Variants in DCAF11 observed in about 807,000 individuals in gnomAD.
The protein encoded by DCAF11 is DDB1- and CUL4-associated factor 11.
A neutral mutation model predicts 76.1 loss-of-function variants in DCAF11; 44 were observed. That is an observed-to-expected ratio of 0.58 (90% CI 0.45 to 0.74). The LOEUF (loss-of-function observed/expected upper bound fraction) is 0.74, where lower values mean the gene tolerates loss of function less well. Ranked by LOEUF, DCAF11 falls within the 30% of genes least tolerant of loss-of-function variation. The pLI, the probability that DCAF11 is intolerant of heterozygous loss-of-function variation, is 0.00. For synonymous variants in DCAF11, 258 were observed against 255.0 expected, an observed-to-expected ratio of 1.01 and a Z score of -0.11; for missense variants, 604 against 709.4, an observed-to-expected ratio of 0.85 and a Z score of 1.69.
At position 24,118,546 on chromosome 14, in the gene DCAF11, C is replaced by T; in HGVS notation, c.724+12C>T. On this transcript the variant is annotated intron_variant, in intron 7 of 14. Coordinates refer to ENST00000446197, the MANE Select transcript of DCAF11 (RefSeq NM_025230.5). ...CTGGTCTGATTACAGTGAGTATGCA[C>T]CAGGCTTCCACTGACTCTCCAGCCT... 2 of 1,611,824 alleles carry T rather than the reference C, an allele frequency of 1.2e-6. No homozygotes were observed. Among genetic ancestry groups the T allele is most frequent in the Non-Finnish European group, 1.7e-6 (2 of 1,178,108 alleles).
intron 14 of DCAF11, 32 bp from the exon 15 acceptor site, chr14:24,123,143 A>C: frequency 5.0e-6 from 8 of 1,614,044 alleles, no homozygotes; most frequent in Non-Finnish European, 6.8e-6. Flanking sequence ...GGGGCAGCAC[A>C]TCCTGACTGC....
At chr14:24,120,258 C>CA (rs1218249379) in intron 11 of DCAF11, among the ~76,000 whole-genome samples, 72 of 144,456 alleles carry the variant, frequency 5.0e-4, no homozygotes, top group Non-Finnish European at 7.3e-4. Context: ...AAAAAAAAAA[C>CA]AAAAAAAAAA....
rs2139027255 is a variant in DCAF11 at position 24,124,664 on chromosome 14, G to A, written c.*1355G>A. ...CTCATGCCTGTAATCCTAGCACTTT[G>A]GGAAGCCAAAGCTGATGGATCGCTT... On this transcript the variant is annotated 3_prime_UTR_variant, in exon 15 of 15. Coordinates refer to ENST00000446197, the MANE Select transcript of DCAF11 (RefSeq NM_025230.5). The A allele has an allele frequency of 6.6e-6, 1 of 152,350 alleles. No individual in the cohort carries two copies. The highest frequency in any genetic ancestry group is 1.9e-4 in the East Asian group (1 of 5,184). The allele number at this position is 152,350 out of a possible 1,614,324, so 9.4% of individuals were successfully genotyped here. A position where few individuals can be genotyped will look rare whatever the true frequency, so the allele number is the denominator to read the frequency against.
chr14:24,116,254 AG>A (rs1309650066), intron 2 of DCAF11, among the ~76,000 whole-genome samples: 3 of 152,232 alleles, frequency 2.0e-5, no homozygotes, highest in Non-Finnish European at 4.4e-5. Context: ...TGACTGGAAA[AG>A]GGTGCAGCTG....
chr14:24,115,225 A>C lies in DCAF11; in HGVS notation c.-282A>C, dbSNP rs934213691. ...CGAGAGGGATTTCGATTGGTCGGTC[A>C]GAGAGGTTACCTGGAAATCCAACAC... On this transcript the variant is annotated 5_prime_UTR_variant, in exon 1 of 15. Transcript: ENST00000446197. 1 of 197,022 alleles carries C rather than the reference A, an allele frequency of 5.1e-6. No individual in the cohort carries two copies. Among genetic ancestry groups the C allele is most frequent in the Non-Finnish European group, 9.7e-6 (1 of 102,662 alleles). 12.2% of individuals were successfully genotyped at this position (197,022 alleles called of 1,614,324 possible). A position where few individuals can be genotyped will look rare whatever the true frequency, so the allele number is the denominator to read the frequency against.
chr14:24,119,716 G>T lies in DCAF11; in HGVS notation c.912G>T (p.Glu304Asp), dbSNP rs2139018291. 1 of 1,614,244 alleles carries T rather than the reference G, an allele frequency of 6.2e-7. No homozygotes were observed. Among genetic ancestry groups the T allele is most frequent in the East Asian group, 2.2e-5 (1 of 44,886 alleles). ...REQNRRTLQI[E>D]SHEDDVNAVA... ...CTGGCCTCCTTTTCGCCTAGATTGA[G>T]TCCCATGAGGATGATGTGAATGCAG... Residue 304 changes from glutamate to aspartate, a missense_variant, in exon 11 of 15, where the codon GAG becomes GAT. Glu to Asp is a conservative substitution (Grantham distance 45). Transcript: ENST00000446197.
At position 24,119,745 on chromosome 14, in the gene DCAF11, C is replaced by T; in HGVS notation, c.941C>T (p.Ala314Val). 6.2e-7 allele frequency: 1 copy of T among 1,614,212 alleles called. No individual in the cohort carries two copies. The highest frequency in any genetic ancestry group is 8.5e-7 in the Non-Finnish European group (1 of 1,180,042). Residue 314 changes from alanine to valine, a missense_variant, in exon 11 of 15, where the codon GCC (alanine) becomes GTC (valine). Physicochemically the swap from Ala to Val is moderately conservative, Grantham distance 64. Transcript: ENST00000446197. ...ESHEDDVNAV[A>V]FADISSQILF... is the part of the protein sequence containing the mutation. ...CATGAGGATGATGTGAATGCAGTGG[C>T]CTTTGCTGATATAAGCTCCCAAATC...
chr14:24,115,742 C>T lies in DCAF11; in HGVS notation c.148C>T (p.Leu50Phe). 6.2e-7 allele frequency: 1 copy of T among 1,612,342 alleles called. No individual in the cohort carries two copies. Among genetic ancestry groups the T allele is most frequent in the Non-Finnish European group, 8.5e-7 (1 of 1,179,130 alleles). The change falls in exon 2 of 15, where the codon CTC (leucine) becomes TTC (phenylalanine). Residue 50 changes from leucine to phenylalanine, a missense_variant. By Grantham distance (22) the Leu-to-Phe change is conservative. Transcript: ENST00000446197. Reference protein sequence around the residue: ...VDLAQVLAYLLRRGQVRLVQG... With the variant: ...VDLAQVLAYLFRRGQVRLVQG... ...TCTGGCCCAGGTACTGGCCTATCTC[C>T]TCCGCAGGTAACTTACCCTCTGGTG...
rs1329203031 is a variant in DCAF11, at chr14:24,117,294, G to A, written c.312G>A (p.Leu104=). The A allele has an allele frequency of 9.9e-6, 16 of 1,614,058 alleles. No homozygotes were observed. Among genetic ancestry groups the A allele is most frequent in the East Asian group, 6.7e-5 (3 of 44,896 alleles). Residue 104 remains leucine (L), a synonymous_variant, in exon 4 of 15, where the codon CTG becomes CTA. Coordinates refer to ENST00000446197, the MANE Select transcript of DCAF11 (RefSeq NM_025230.5). This position sits in a 1 kb window ranked among gnomAD's most constrained non-coding sequence, Gnocchi z 4.3. The part of the protein sequence containing the change: ...PVDATPDTRE[L]EFNEIKTQVE... ...ATGCTACCCCTGACACCCGGGAGCT[G>A]GAATTCAATGAGATCAAGACACAAG...
At position 24,121,421 on chromosome 14, in the gene DCAF11, G is replaced by A. The variant is rs1390286215; in HGVS notation, c.1303G>A (p.Gly435Arg). ...CTCCTTGATGACCTACCGGGGCCAC[G>A]GAGTGCTGCACACCCTCATCCGCTG... The part of the protein sequence containing the change: ...DSSLMTYRGH[G>R]VLHTLIRCRF... The change falls in exon 13 of 15, where the codon GGA becomes AGA. Residue 435 changes from glycine to arginine, a missense_variant. Physicochemically the swap from Gly to Arg is moderately radical, Grantham distance 125. Coordinates refer to ENST00000446197, the MANE Select transcript of DCAF11 (RefSeq NM_025230.5). 5 of 1,614,166 alleles carry A rather than the reference G, an allele frequency of 3.1e-6. No homozygotes were observed. Among genetic ancestry groups the A allele is most frequent in the Non-Finnish European group, 4.2e-6 (5 of 1,180,036 alleles).
rs988230976 is a variant in DCAF11 at position 24,124,538 on chromosome 14, G to C, written c.*1229G>C. 6.6e-6 allele frequency: 1 copy of C among 152,222 alleles called. No individual in the cohort carries two copies. The highest frequency in any genetic ancestry group is 2.4e-5 in the African/African-American group (1 of 41,452). The allele number at this position is 152,222 out of a possible 1,614,324, so 9.4% of individuals were successfully genotyped here. A position where few individuals can be genotyped will look rare whatever the true frequency, so the allele number is the denominator to read the frequency against. On this transcript the variant is annotated 3_prime_UTR_variant, in exon 15 of 15. Coordinates refer to ENST00000446197, the MANE Select transcript of DCAF11 (RefSeq NM_025230.5). ...CCCTCTAAGGCAGTTTTTAAATGAA[G>C]GTACACACATCCAGGGGTGTTCACA...
Position 24,123,503 on chromosome 14 carries a change from A to C in DCAF11, c.*194A>C. The C allele has an allele frequency of 1.2e-6, 1 of 821,234 alleles. No individual in the cohort carries two copies. The highest frequency in any genetic ancestry group is 1.7e-6 in the Non-Finnish European group (1 of 594,416). 50.9% of individuals were successfully genotyped at this position (821,234 alleles called of 1,614,324 possible). On this transcript the variant is annotated 3_prime_UTR_variant, in exon 15 of 15. Coordinates refer to ENST00000446197, the MANE Select transcript of DCAF11 (RefSeq NM_025230.5). ...CAGAGTGGTCTCCTTACGTGCTCAC[A>C]CCCAGTCAGCTTGGGTCCCTATCTC...
rs2037640726 is a variant in DCAF11 at position 24,119,127 on chromosome 14, G to A, written c.780-18G>A. 1 of 1,614,162 alleles carries A rather than the reference G, an allele frequency of 6.2e-7. No homozygotes were observed. The highest frequency in any genetic ancestry group is 8.5e-7 in the Non-Finnish European group (1 of 1,180,016). On this transcript the variant is annotated intron_variant, in intron 8 of 14. Transcript: ENST00000446197. ...AGCTGAAGGAAGTCCACTTAACCCA[G>A]CTCCTTCTTGCTTTTAGGCCAGATG...
chr14:24,123,166 G>A lies in DCAF11; in HGVS notation c.1507-9G>A. 5 of 1,613,428 alleles carry A rather than the reference G, an allele frequency of 3.1e-6. No homozygotes were observed. The highest frequency in any genetic ancestry group is 1.1e-5 in the South Asian group (1 of 91,034). On this transcript the variant is annotated splice_polypyrimidine_tract_variant and intron_variant, in intron 14 of 14. Transcript: ENST00000446197. ...ACATCCTGACTGCTTGCCACCCTCT[G>A]CCCTGCAGTGGGACGGGAACCTGCG...
rs2037537466 is a variant in DCAF11 at position 24,115,699 on chromosome 14, A to G, written c.105A>G (p.Glu35=). The change falls in exon 2 of 15, where the codon GAA becomes GAG. Residue 35 remains glutamate (E), a synonymous_variant. Coordinates refer to ENST00000446197, the MANE Select transcript of DCAF11 (RefSeq NM_025230.5). ...TGCGTCGGAGTGAGGAAGAGGAAGA[A>G]GAGGATGAAGATGTGGATCTGGCCC... ...AGLRRSEEEE[E]EDEDVDLAQV... is the part of the protein sequence containing the mutation. The G allele has an allele frequency of 1.9e-6, 3 of 1,613,872 alleles. No individual in the cohort carries two copies. The highest frequency in any genetic ancestry group is 2.5e-6 in the Non-Finnish European group (3 of 1,180,002).
At chr14:24,119,446 G>A in intron 9 of DCAF11, 113 bp from the exon 10 acceptor site, 3 of 1,396,602 alleles carry the variant, frequency 2.1e-6, no homozygotes, top group Non-Finnish European at 3.0e-6. Context: ...TGTATAAAAA[G>A]AGCAAAGGGC....
Position 24,121,470 on chromosome 14 carries a change from C to T in DCAF11, c.1352C>T (p.Thr451Ile). The part of the protein sequence containing the change: ...IRCRFSPIHS[T>I]GQQFIYSGCS... ...TGCCGGTTCTCCCCCATTCATAGCA[C>T]TGGCCAGCAGTTCATCTACAGTGGC... The change falls in exon 13 of 15, where the codon ACT (threonine) becomes ATT (isoleucine). Residue 451 changes from threonine to isoleucine, a missense_variant. Transcript: ENST00000446197. 1 of 1,614,202 alleles carries T rather than the reference C, an allele frequency of 6.2e-7. No individual in the cohort carries two copies. The highest frequency in any genetic ancestry group is 8.5e-7 in the Non-Finnish European group (1 of 1,180,040).
intron 13 of DCAF11, among the ~76,000 whole-genome samples, chr14:24,122,404 C>T (rs959895914): frequency 4.0e-5 from 6 of 150,462 alleles, no homozygotes; most frequent in African/African-American, 1.5e-4. Flanking sequence ...GCAGGAGAAT[C>T]GCTTGAACCC....
At position 24,117,174 on chromosome 14, in the gene DCAF11, A is replaced by AT; in HGVS notation, c.284-90dup. On this transcript the variant is annotated intron_variant, in intron 3 of 14. Coordinates refer to ENST00000446197, the MANE Select transcript of DCAF11 (RefSeq NM_025230.5). This position sits in a 1 kb window ranked among gnomAD's most constrained non-coding sequence, Gnocchi z 4.3. ...TAAGGAGTCCTTACAGCCCCAGTAT[A>AT]TTCAGCCACAGGGGTGGGCTTGGGT... 6.2e-7 allele frequency: 1 copy of AT among 1,602,686 alleles called. No homozygotes were observed.
Sources: allele counts gnomAD v4.1 joint callset (sites outside exome capture counted in the v4.1 genomes callset), GRCh38; gene constraint gnomAD v4.1.1; non-coding constraint Gnocchi (gnomAD v3.1); transcripts MANE v1.5; gene names NCBI Gene and HGNC (gene_info 2026-07-23, HGNC 2026-07-21).